The following DNAH14 variants were observed in gnomAD, a reference collection of about 807,000 sequenced individuals.
DNAH14 encodes dynein axonemal heavy chain 14, also known as axonemal beta dynein heavy chain 14.
In DNAH14, 478 loss-of-function variants were observed where a neutral mutation model predicts 520.9. That is an observed-to-expected ratio of 0.92 (90% confidence interval 0.85 to 0.99). The LOEUF is 0.99. DNAH14 is among the 50% of genes least tolerant of loss of function. The pLI is 0.00. For missense variants in DNAH14, 4,831 were observed against 5,234.5 expected, an observed-to-expected ratio of 0.92 and a Z score of 2.38; for synonymous variants, 1,581 against 1,757.2, an observed-to-expected ratio of 0.90 and a Z score of 2.51.
chr1:225,135,855 TATATATTTA>T (rs56951706), intron 27 of DNAH14, among the ~76,000 whole-genome samples: 10,506 of 152,158 alleles, frequency 0.069, 1,168 homozygotes, highest in African/African-American at 0.24. Context: ...TTTGGGTGCA[TATATATTTA>T]GGGTAGTTAT....
rs2061021515 is a variant in DNAH14, at chr1:224,964,344, C to T, written c.368-135C>T. 7 of 1,003,558 alleles carry T rather than the reference C, an allele frequency of 7.0e-6. No individual in the cohort carries two copies. In the East Asian group the frequency reaches 1.6e-4, roughly 23 times the overall value. 62.2% of individuals were successfully genotyped at this position (1,003,558 alleles called of 1,614,324 possible). On this transcript the variant is annotated intron_variant, in intron 4 of 85. Coordinates refer to ENST00000682510, the MANE Select transcript of DNAH14 (RefSeq NM_001367479.1). ...ACTGAGTTTTGAGCTATTTTTTCTC[C>T]TCTAATAATCGTTATGTATACTTTG...
chr1:225,188,074 A>G (rs1167982946), intron 37 of DNAH14, among the ~76,000 whole-genome samples: 1 of 151,796 alleles, frequency 6.6e-6, no homozygotes, highest in Admixed American at 6.6e-5. Context: ...TCACAGTTCT[A>G]TTTCATTGTT....
chr1:225,347,710 T>G (rs2095307748), intron 71 of DNAH14, among the ~76,000 whole-genome samples: 1 of 152,132 alleles, frequency 6.6e-6, no homozygotes, highest in African/African-American at 2.4e-5. Context: ...CTAGGCTGAT[T>G]GGTGAGGGTT....
intron 58 of DNAH14, 120 bp downstream of exon 58, chr1:225,305,209 G>A: frequency 5.3e-6 from 6 of 1,138,538 alleles, no homozygotes; most frequent in Non-Finnish European, 4.9e-6. Context: ...AAAGCCAGAA[G>A]CTGCAGAAGA....
chr1:225,334,187 C>G (rs1353264763), intron 66 of DNAH14, among the ~76,000 whole-genome samples: 1 of 152,114 alleles, frequency 6.6e-6, no homozygotes, highest in Non-Finnish European at 1.5e-5. Context: ...GCCTGTAATG[C>G]CAGAACTTTG....
chr1:225,364,366 A>G (rs145972496), intron 75 of DNAH14, among the ~76,000 whole-genome samples: 24 of 152,280 alleles, frequency 1.6e-4, no homozygotes, highest in African/African-American at 5.1e-4. Context: ...ATGTTCTCCT[A>G]TACAGGAAGA....
intron 7 of DNAH14, among the ~76,000 whole-genome samples, chr1:224,971,932 A>G (rs988571454): frequency 3.3e-5 from 5 of 152,180 alleles, no homozygotes; most frequent in African/African-American, 1.2e-4. Context: ...TTGGGGCTAG[A>G]TAGGTTTTTG....
At chr1:225,197,740 C>G (rs1426550921) in intron 38 of DNAH14, among the ~76,000 whole-genome samples, 1 of 151,706 alleles carries the variant, frequency 6.6e-6, no homozygotes, top group African/African-American at 2.4e-5. Context: ...TTGTAGTTTT[C>G]CTTGTCTTTC....
intron 12 of DNAH14, among the ~76,000 whole-genome samples, chr1:225,039,531 G>A (rs1422167492): frequency 1.3e-5 from 2 of 151,100 alleles, no homozygotes; most frequent in African/African-American, 4.9e-5. Context: ...GAGATCAGCT[G>A]GAAATATATC....
chr1:225,304,520 G>A (rs1435617667), intron 57 of DNAH14, among the ~76,000 whole-genome samples: 1 of 152,098 alleles, frequency 6.6e-6, no homozygotes, highest in Non-Finnish European at 1.5e-5. Context: ...CTGCACCACT[G>A]CACTTTGGCC....
At chr1:225,080,775 C>A in intron 19 of DNAH14, 27 bp downstream of exon 19, 1 of 1,484,908 alleles carries the variant, frequency 6.7e-7, no homozygotes, top group South Asian at 1.4e-5. Flanking sequence ...CAAATTTTCC[C>A]ACCTAGGTCT....
chr1:225,374,310 G>A (rs1234987029), intron 77 of DNAH14, among the ~76,000 whole-genome samples: 1 of 144,276 alleles, frequency 6.9e-6, no homozygotes, highest in East Asian at 2.1e-4. Flanking sequence ...CGCCCAGGCT[G>A]GAGTACAGCG....
chr1:225,286,091 A>C (rs2093734764), intron 54 of DNAH14, among the ~76,000 whole-genome samples: 1 of 152,208 alleles, frequency 6.6e-6, no homozygotes, highest in Non-Finnish European at 1.5e-5. Flanking sequence ...GTGAAAACTG[A>C]GAAACAAAAT....
chr1:225,099,770 G>C (rs2075292284), intron 22 of DNAH14, among the ~76,000 whole-genome samples: 1 of 152,126 alleles, frequency 6.6e-6, no homozygotes, highest in African/African-American at 2.4e-5. Flanking sequence ...GTGCAATATA[G>C]AGGTTCCTGT....
Position 225,335,976 on chromosome 1 carries a change from TA to T in DNAH14, c.10081-1289del, listed in dbSNP as rs1314519970. Reference sequence around the variant, plus strand: ...ATATACACATATACATATATGTACATATGTGTATATACACACATATGCATAT... The same window carrying T: ...ATATACACATATACATATATGTACATTGTGTATATACACACATATGCATAT... On this transcript the variant is annotated intron_variant, in intron 66 of 85. Transcript: ENST00000682510. Among the ~76,000 whole-genome samples the T allele has an allele frequency of 4.1e-5, 6 of 146,044 alleles. No individual in the cohort carries two copies. The East Asian group carries it at 1.2e-3, about 30-fold the overall frequency.
At chr1:225,040,208 G>A (rs1340480197) in intron 12 of DNAH14, among the ~76,000 whole-genome samples, 1 of 151,972 alleles carries the variant, frequency 6.6e-6, no homozygotes, top group Non-Finnish European at 1.5e-5. Flanking sequence ...CGAAGTGTTG[G>A]GATTACAGGC....
intron 55 of DNAH14, among the ~76,000 whole-genome samples, chr1:225,294,772 C>T (rs938695976): frequency 4.6e-5 from 7 of 151,524 alleles, no homozygotes; most frequent in Middle Eastern, 3.4e-3. Flanking sequence ...TGCCATGAGC[C>T]GAGATGGTAC....
At chr1:225,081,353 T>G (rs3128653) in intron 19 of DNAH14, among the ~76,000 whole-genome samples, 121,038 of 151,856 alleles carry the variant, frequency 0.8, 51,609 homozygotes, top group Non-Finnish European at 0.96. Context: ...TTTATTTCAC[T>G]TGTTTTAAAA....
At position 225,271,908 on chromosome 1, in the gene DNAH14, TCA is replaced by T. The variant is rs1558223828; in HGVS notation, c.7675_7676del (p.His2559PhefsTer9). 5 of 1,541,112 alleles carry T rather than the reference TCA, an allele frequency of 3.2e-6. No individual in the cohort carries two copies. The highest frequency in any genetic ancestry group is 2.4e-5 in the South Asian group (2 of 82,280). On this transcript the variant is annotated frameshift_variant, in exon 51 of 86. Coordinates refer to ENST00000682510, the MANE Select transcript of DNAH14 (RefSeq NM_001367479.1). LOFTEE classifies it high-confidence loss of function. ...AATTATAACATTTCTTTTTAAAGGC[TCA>T]TTTGGGAATTTATTTCTCCATCAAT... ...QDILCTIFQAHLGIYFSINNF... is the reference protein window; with the variant it reads ...QDILCTIFQAXLGIYFSINNF...
Sources: allele counts gnomAD v4.1 joint callset (sites outside exome capture counted in the v4.1 genomes callset), GRCh38; gene constraint gnomAD v4.1.1; transcripts MANE v1.5; gene names NCBI Gene and HGNC (gene_info 2026-07-23, HGNC 2026-07-21).